Variants in WASHC2A observed in about 807,000 individuals in gnomAD.
WASHC2A encodes WASH complex subunit FAM21A.
In WASHC2A, 82 loss-of-function variants were observed where a neutral mutation model predicts 140.3. The observed-to-expected ratio is 0.58, with a 90% confidence interval of 0.49 to 0.70. The LOEUF (loss-of-function observed/expected upper bound fraction) is 0.70, where lower values mean the gene tolerates loss of function less well. Ranked by LOEUF, WASHC2A falls within the 30% of genes least tolerant of loss-of-function variation. The pLI is 0.00. For missense variants in WASHC2A, 985 were observed against 1,521.8 expected, an observed-to-expected ratio of 0.65 and a Z score of 5.87; for synonymous variants, 340 against 560.8, an observed-to-expected ratio of 0.61 and a Z score of 5.56.
Position 50,129,686 on chromosome 10 carries a change from T to C in WASHC2A, c.3355T>C (p.Ser1119Pro). 1.2e-6 allele frequency: 2 copies of C among 1,612,056 alleles called. No individual in the cohort carries two copies. Among genetic ancestry groups the C allele is most frequent in the Non-Finnish European group, 1.7e-6 (2 of 1,179,858 alleles). The part of the protein sequence containing the change: ...PGVDRSPFAK[S>P]LGHSRGEADL... ...AGTGGACAGAAGCCCCTTTGCAAAG[T>C]CTCTGGGTCATTCCAGAGGGGAGGC... Residue 1119 changes from serine (S) to proline (P), a missense_variant, in exon 29 of 31, where the codon TCT (serine) becomes CCT (proline). Physicochemically the swap from Ser to Pro is moderately conservative, Grantham distance 74. Coordinates refer to ENST00000282633, the MANE Select transcript of WASHC2A (RefSeq NM_001005751.3).
chr10:50,095,919 T>C, intron 15 of WASHC2A, 141 bp downstream of exon 15: 4 of 953,364 alleles, frequency 4.2e-6, no homozygotes, highest in Non-Finnish European at 6.2e-6. Flanking sequence ...TTGTTGTGTC[T>C]GTACTTACAT....
chr10:50,067,959 T>A lies in WASHC2A; in HGVS notation c.-47T>A, dbSNP rs1554874419. On this transcript the variant is annotated 5_prime_UTR_variant, in exon 1 of 31. Transcript: ENST00000282633. ...CTAGGCTTCCGGGGCTCTGCAGTCC[T>A]CGGCGTGTGCTGGCAGCTTCGGAGC... 2 of 1,593,378 alleles carry A rather than the reference T, an allele frequency of 1.3e-6. No individual in the cohort carries two copies. Among genetic ancestry groups the A allele is most frequent in the South Asian group, 1.1e-5 (1 of 88,942 alleles).
At chr10:50,100,790 G>C (rs1459797303) in intron 17 of WASHC2A, among the ~76,000 whole-genome samples, 2 of 152,378 alleles carry the variant, frequency 1.3e-5, no homozygotes, top group South Asian at 4.1e-4. Context: ...ACCACTAACA[G>C]CCTCTGGGAC....
chr10:50,125,525 A>G, intron 25 of WASHC2A, 76 bp downstream of exon 25: 1 of 1,611,350 alleles, frequency 6.2e-7, no homozygotes, highest in South Asian at 1.1e-5. Context: ...CAGTTAGATC[A>G]TTAAGGAAAA....
In WASHC2A at chr10:50,090,877, T is replaced by TA. The variant is rs1839867524; in HGVS notation, c.835dup (p.Thr279AsnfsTer2). ...AAGATATTGAGGACATTGAAGAAAA[T>TA]ACTAGACCTGTAAGGAAGGCTGTAG... On this transcript the variant is annotated frameshift_variant, in exon 9 of 31. Coordinates refer to ENST00000282633, the MANE Select transcript of WASHC2A (RefSeq NM_001005751.3). LOFTEE classifies it high-confidence loss of function. 1 of 1,611,194 alleles carries TA rather than the reference T, an allele frequency of 6.2e-7. No individual in the cohort carries two copies. The highest frequency in any genetic ancestry group is 8.5e-7 in the Non-Finnish European group (1 of 1,179,730).
At chr10:50,069,199 G>A (rs1206371697) in intron 2 of WASHC2A, among the ~76,000 whole-genome samples, 15 of 151,528 alleles carry the variant, frequency 9.9e-5, no homozygotes, top group Non-Finnish European at 2.1e-4. Flanking sequence ...GGCCGAGGTG[G>A]GCGAATCACG....
intron 6 of WASHC2A, among the ~76,000 whole-genome samples, chr10:50,084,416 C>CT (rs1839205527): frequency 6.8e-6 from 1 of 147,800 alleles, no homozygotes; most frequent in Admixed American, 6.8e-5. Flanking sequence ...TGTGTGTTTT[C>CT]TTTTTTTCTT....
Position 50,110,169 on chromosome 10 carries a change from G to T in WASHC2A, c.1938G>T (p.Arg646Ser). The change falls in exon 20 of 31, where the codon AGG (arginine) becomes AGT (serine). Residue 646 changes from arginine to serine, a missense_variant. Coordinates refer to ENST00000282633, the MANE Select transcript of WASHC2A (RefSeq NM_001005751.3). The stretch of plus-strand genomic sequence containing the variant: ...ACAGCAGGTCTAAAGGAGAACCCAG[G>T]GATTCTGGGACCCTCCAGAGCCAGG... ...ASDSRSKGEPRDSGTLQSQEA... is the reference protein window; with the variant it reads ...ASDSRSKGEPSDSGTLQSQEA... 6.2e-7 allele frequency: 1 copy of T among 1,611,482 alleles called. No homozygotes were observed. The highest frequency in any genetic ancestry group is 1.1e-5 in the South Asian group (1 of 90,918).
rs774883176 is a variant in WASHC2A, at chr10:50,132,899, T to C, written c.3980T>C (p.Val1327Ala). Residue 1327 changes from valine (V) to alanine (A), a missense_variant, in exon 31 of 31, where the codon GTG (valine) becomes GCG (alanine). Val to Ala is a moderately conservative substitution (Grantham distance 64). Transcript: ENST00000282633. ...CCTGAACCAAGATTTGAACACAAGG[T>C]GTCCAACATCTTTGATGATCCCCTG... ...AAPEPRFEHK[V>A]SNIFDDPLNA... is the part of the protein sequence containing the mutation. The C allele has an allele frequency of 4.7e-4, 763 of 1,612,030 alleles. 10 individuals are homozygous for C. The South Asian group carries it at 7.6e-3, about 16-fold the overall frequency.
intron 29 of WASHC2A, 97 bp downstream of exon 29, chr10:50,130,136 C>T: frequency 1.3e-6 from 2 of 1,483,942 alleles, no homozygotes; most frequent in Non-Finnish European, 1.9e-6. Flanking sequence ...TTGTTGCGTG[C>T]ATACCCCATA....
At chr10:50,099,141 T>A (rs1301458909) in intron 16 of WASHC2A, among the ~76,000 whole-genome samples, 9 of 152,196 alleles carry the variant, frequency 5.9e-5, no homozygotes, top group African/African-American at 1.7e-4. Context: ...ATTCTATATT[T>A]CTTATTAGTT....
intron 25 of WASHC2A, 127 bp downstream of exon 25, chr10:50,125,576 A>G: frequency 6.3e-7 from 1 of 1,598,236 alleles, no homozygotes; most frequent in Non-Finnish European, 8.5e-7. Context: ...ATGAATGGCA[A>G]ATAACATGCT....
intron 17 of WASHC2A, among the ~76,000 whole-genome samples, chr10:50,101,960 A>G (rs1465880538): frequency 3.3e-5 from 5 of 152,184 alleles, no homozygotes; most frequent in African/African-American, 1.2e-4. Context: ...GTCCTCAGAG[A>G]GAGCCCGATG....
intron 3 of WASHC2A, among the ~76,000 whole-genome samples, chr10:50,073,263 A>G (rs2132337641): frequency 6.6e-6 from 1 of 152,244 alleles, no homozygotes; most frequent in Non-Finnish European, 1.5e-5. Flanking sequence ...AATTGTTTCC[A>G]AATCTTAGCT....
At chr10:50,089,110 A>G (rs1187762682) in intron 8 of WASHC2A, among the ~76,000 whole-genome samples, 1 of 151,104 alleles carries the variant, frequency 6.6e-6, no homozygotes, top group Non-Finnish European at 1.5e-5. Flanking sequence ...GATTATAGGC[A>G]TGTGCCACCA....
chr10:50,125,525 A>C (rs1843352442), intron 25 of WASHC2A, 76 bp downstream of exon 25: 1 of 1,611,350 alleles, frequency 6.2e-7, no homozygotes, highest in Non-Finnish European at 8.5e-7. Context: ...CAGTTAGATC[A>C]TTAAGGAAAA....
chr10:50,092,010 G>A (rs1839978255), intron 10 of WASHC2A, 152 bp from the exon 11 acceptor site: 20 of 1,587,214 alleles, frequency 1.3e-5, no homozygotes, highest in Non-Finnish European at 1.5e-5. Context: ...TGTGGGCAGG[G>A]CCAGGGGGTT....
chr10:50,084,014 C>T (rs1281657427), intron 5 of WASHC2A, 58 bp from the exon 6 acceptor site: 3 of 1,596,396 alleles, frequency 1.9e-6, no homozygotes, highest in Middle Eastern at 2.3e-4. Flanking sequence ...TCAGGTGGCA[C>T]ATGTAAGTTT....
At chr10:50,132,331 A>G (rs1415676745) in intron 30 of WASHC2A, among the ~76,000 whole-genome samples, 13 of 152,260 alleles carry the variant, frequency 8.5e-5, no homozygotes, top group Non-Finnish European at 1.6e-4. Flanking sequence ...GTGAAACACT[A>G]AAAGAATGCA....
Sources: gnomAD v4.1 joint callset for allele counts (sites outside exome capture counted in the v4.1 genomes callset) on GRCh38, gnomAD v4.1.1 for gene constraint, MANE v1.5 for transcripts, NCBI Gene and HGNC (gene_info 2026-07-23, HGNC 2026-07-21) for gene names.